Variants in TESPA1 observed in about 807,000 individuals in gnomAD.
TESPA1 encodes the protein thymocyte expressed, positive selection associated 1.
A neutral mutation model predicts 57.9 loss-of-function variants in TESPA1; 33 were observed. The observed-to-expected ratio is 0.57, with a 90% CI of 0.43 to 0.76. TESPA1 has a LOEUF of 0.76. Ranked by LOEUF, TESPA1 falls within the 30% of genes least tolerant of loss-of-function variation. The probability of loss-of-function intolerance (pLI) is 0.00; values close to 1 mark genes in which losing one functional copy is unlikely to be tolerated. For missense variants in TESPA1, 618 were observed against 632.9 expected (o/e 0.98, Z 0.25); for synonymous variants, 227 against 228.9 (o/e 0.99, Z 0.07).
intron 7 of TESPA1, among the ~76,000 whole-genome samples, chr12:54,965,211 G>T (rs750763835): frequency 3.3e-5 from 5 of 151,982 alleles, no homozygotes; most frequent in Non-Finnish European, 5.9e-5. Flanking sequence ...TTAAGTTCTG[G>T]GGTACATGTG....
intron 1 of TESPA1, among the ~76,000 whole-genome samples, chr12:54,981,574 T>C (rs1275979715): frequency 1.4e-5 from 2 of 138,222 alleles, no homozygotes; most frequent in Admixed American, 1.4e-4. Context: ...GTATAATATA[T>C]TAAAAAAAAA....
chr12:54,950,886 T>G (rs1950344523), intron 10 of TESPA1, among the ~76,000 whole-genome samples: 1 of 152,184 alleles, frequency 6.6e-6, no homozygotes, highest in Non-Finnish European at 1.5e-5. Context: ...ATAGGCAGAA[T>G]TTTTCTTGAC....
At chr12:54,952,213 A>G (rs7962451) in intron 10 of TESPA1, among the ~76,000 whole-genome samples, 32,345 of 152,146 alleles carry the variant, frequency 0.21, 5,800 homozygotes, top group East Asian at 0.84. Flanking sequence ...TATGATGCAG[A>G]AAGGAGGCCC....
chr12:54,963,721 G>T, intron 8 of TESPA1, 21 bp downstream of exon 8: 1 of 1,603,160 alleles, frequency 6.2e-7, no homozygotes, highest in Non-Finnish European at 8.5e-7. Flanking sequence ...AGTAGAGCAG[G>T]TGCCTGGGAG....
intron 10 of TESPA1, among the ~76,000 whole-genome samples, chr12:54,955,382 G>A (rs1382167343): frequency 6.6e-6 from 1 of 152,214 alleles, no homozygotes; most frequent in East Asian, 1.9e-4. Context: ...GTCTCTTCCA[G>A]TCTCAATGGG....
At chr12:54,972,105 C>T (rs1225586113) in intron 3 of TESPA1, among the ~76,000 whole-genome samples, 5 of 152,204 alleles carry the variant, frequency 3.3e-5, no homozygotes, top group Non-Finnish European at 7.3e-5. Context: ...GTTGGTTAAA[C>T]ACTTAGTAGC....
intron 10 of TESPA1, among the ~76,000 whole-genome samples, chr12:54,954,103 A>G (rs1210494908): frequency 6.6e-6 from 1 of 152,202 alleles, no homozygotes; most frequent in African/African-American, 2.4e-5. Context: ...CAAGGCACAC[A>G]GTAAATGAAG....
At chr12:54,974,920 T>C (rs962207898) in intron 1 of TESPA1, among the ~76,000 whole-genome samples, 2 of 152,226 alleles carry the variant, frequency 1.3e-5, no homozygotes, top group South Asian at 2.1e-4. Context: ...CGAAATGCTG[T>C]ATTAGAAAAC....
At chr12:54,961,326 G>T (rs1012457760) in intron 9 of TESPA1, 59 bp from the exon 10 acceptor site, 1 of 1,592,424 alleles carries the variant, frequency 6.3e-7, no homozygotes, top group Non-Finnish European at 8.6e-7. Context: ...GGTAAGGAAA[G>T]GTGCAGGTGG....
chr12:54,956,622 G>A (rs577691442), intron 10 of TESPA1, among the ~76,000 whole-genome samples: 8 of 152,298 alleles, frequency 5.3e-5, no homozygotes, highest in African/African-American at 1.4e-4. Context: ...AAGGTGGCAA[G>A]TGAAGAAAGC....
At chr12:54,964,528 C>CT (rs1280501406) in intron 7 of TESPA1, among the ~76,000 whole-genome samples, 3 of 152,222 alleles carry the variant, frequency 2.0e-5, no homozygotes, top group African/African-American at 7.2e-5. Context: ...TGCACGCACT[C>CT]TCTCTTTATG....
upstream of TESPA1, among the ~76,000 whole-genome samples, chr12:54,985,041 C>G (rs553337134): frequency 2.9e-4 from 44 of 152,286 alleles, no homozygotes; most frequent in Non-Finnish European, 4.0e-4. Flanking sequence ...CAGATAAATC[C>G]TTCTGTCCTC....
intron 10 of TESPA1, among the ~76,000 whole-genome samples, chr12:54,959,926 G>A (rs1157359329): frequency 6.6e-6 from 1 of 152,146 alleles, no homozygotes; most frequent in African/African-American, 2.4e-5. Flanking sequence ...CATATACCCT[G>A]AGATGTAGGT....
chr12:54,969,699 A>C (rs1951700848), intron 3 of TESPA1, among the ~76,000 whole-genome samples: 1 of 152,214 alleles, frequency 6.6e-6, no homozygotes, highest in Admixed American at 6.5e-5. Context: ...TGCTAAGCAA[A>C]AGAAACACAC....
rs181798435 is a variant in TESPA1 at position 54,963,610 on chromosome 12, T to G, written c.655+132A>C. 5.9e-6 allele frequency: 6 copies of G among 1,012,134 alleles called. No individual in the cohort carries two copies. The East Asian group carries it at 1.3e-4, about 22-fold the overall frequency. The allele number at this position is 1,012,134 out of a possible 1,614,324, so 62.7% of individuals were successfully genotyped here. ...TTCTCCATCTTCACTGAAGACAACA[T>G]AAGAGGAAATAGACACAATAGGCAA... On this transcript the variant is annotated intron_variant, in intron 8 of 10. Transcript: ENST00000449076.
intron 2 of TESPA1, among the ~76,000 whole-genome samples, chr12:54,974,159 T>G (rs1952018153): frequency 6.6e-6 from 1 of 152,238 alleles, no homozygotes; most frequent in African/African-American, 2.4e-5. Context: ...TTACAGAAGC[T>G]TCTCAGGATG....
intron 1 of TESPA1, chr12:54,984,288 A>C (rs1952420425): frequency 6.6e-6 from 1 of 152,198 alleles, no homozygotes; most frequent in Admixed American, 6.5e-5. Context: ...GAAAGGTGAA[A>C]AAAAATTCCT....
At position 54,973,739 on chromosome 12, in the gene TESPA1, A is replaced by C. The variant is rs1157314227; in HGVS notation, c.164-220T>G. On this transcript the variant is annotated intron_variant, in intron 2 of 10. Transcript: ENST00000449076. The stretch of plus-strand genomic sequence containing the variant: ...CTTCTTTTCTCCCTTCCTCCCAAGA[A>C]CCTGGAAAGTGCCCAAGATGTCAGG... 4.6e-6 allele frequency: 6 copies of C among 1,311,484 alleles called. No homozygotes were observed. In the African/African-American group the frequency reaches 9.1e-5, roughly 20 times the overall value. The allele number at this position is 1,311,484 out of a possible 1,614,324, so 81.2% of individuals were successfully genotyped here.
At chr12:54,979,315 G>A (rs1952233481) in intron 1 of TESPA1, among the ~76,000 whole-genome samples, 1 of 152,124 alleles carries the variant, frequency 6.6e-6, no homozygotes, top group South Asian at 2.1e-4. Flanking sequence ...CTTATAGTAT[G>A]TGATCATATT....
Sources: gnomAD v4.1 joint callset for allele counts (sites outside exome capture counted in the v4.1 genomes callset) on GRCh38, gnomAD v4.1.1 for gene constraint, MANE v1.5 for transcripts, NCBI Gene and HGNC (gene_info 2026-07-23, HGNC 2026-07-21) for gene names.